Variants in FKBP8 observed in about 807,000 individuals in gnomAD.
FKBP8 encodes the protein peptidyl-prolyl cis-trans isomerase FKBP8.
Under a neutral mutation model 41.7 loss-of-function variants are expected in FKBP8, and 5 were observed. The ratio of observed to expected loss-of-function variants is 0.12; its 90% CI spans 0.06 to 0.25. FKBP8 has a LOEUF of 0.25. Ranked by LOEUF, FKBP8 falls within the 10% of genes least tolerant of loss-of-function variation. The pLI is 1.00. For synonymous variants in FKBP8, 279 were observed against 254.5 expected (o/e 1.10, Z -0.92); for missense variants, 397 against 563.0 (o/e 0.71, Z 2.98).
At chr19:18,540,424 G>A (rs1461632504) in intron 2 of FKBP8, among the ~76,000 whole-genome samples, 1 of 151,714 alleles carries the variant, frequency 6.6e-6, no homozygotes, top group Admixed American at 6.6e-5. Context: ...AACATAGTGA[G>A]ACCCCATCTC....
rs1976622174 is a variant in FKBP8 at position 18,538,175 on chromosome 19, C to T, written c.772+41G>A. ...GAAGTTTCTGGCACGGAGTGGACACCTTTGCAGGGGAGATGGTGGAGATCT... is the reference window on the plus strand; with the variant it reads ...GAAGTTTCTGGCACGGAGTGGACACTTTTGCAGGGGAGATGGTGGAGATCT... On this transcript the variant is annotated intron_variant, in intron 5 of 8. Transcript: ENST00000608443. The surrounding 1 kb of genome is among the most constrained non-coding windows in gnomAD (Gnocchi z 4.0). 6.4e-7 allele frequency: 1 copy of T among 1,564,998 alleles called. No homozygotes were observed. The highest frequency in any genetic ancestry group is 8.7e-7 in the Non-Finnish European group (1 of 1,148,476).
At position 18,537,541 on chromosome 19, in the gene FKBP8, G is replaced by C; in HGVS notation, c.945+60C>G. ...CTATGCCTTTCTCAAATGCAGGGTT[G>C]GGGACCACCCCGTATACCCCAGGCT... On this transcript the variant is annotated intron_variant, in intron 6 of 8. Transcript: ENST00000608443. The surrounding 1 kb of genome is among the most constrained non-coding windows in gnomAD (Gnocchi z 4.4). The C allele has an allele frequency of 6.8e-7, 1 of 1,476,466 alleles. No individual in the cohort carries two copies. Among genetic ancestry groups the C allele is most frequent in the East Asian group, 2.3e-5 (1 of 42,630 alleles). 91.5% of individuals were successfully genotyped at this position (1,476,466 alleles called of 1,614,324 possible).
In FKBP8 at chr19:18,541,856, C is replaced by T. The variant is rs1976710285; in HGVS notation, c.115G>A (p.Glu39Lys). Residue 39 changes from glutamate (E) to lysine (K), a missense_variant, in exon 2 of 9, where the codon GAG becomes AAG. Transcript: ENST00000608443. Reference protein sequence around the residue: ...GVEDAEGEEEEEEEEEEEDDL... With the variant: ...GVEDAEGEEEKEEEEEEEDDL... ...TCCTCTTCCTCCTCTTCCTCCTCCTCTTCCTCCTCACCCTCTGCATCCTCA... is the reference window on the plus strand; with the variant it reads ...TCCTCTTCCTCCTCTTCCTCCTCCTTTTCCTCCTCACCCTCTGCATCCTCA... The T allele has an allele frequency of 1.9e-6, 3 of 1,613,612 alleles. No individual in the cohort carries two copies. Among genetic ancestry groups the T allele is most frequent in the African/African-American group, 1.3e-5 (1 of 75,054 alleles).
In FKBP8 at chr19:18,538,125, C is replaced by G; in HGVS notation, c.772+91G>C. The G allele has an allele frequency of 1.5e-6, 2 of 1,349,626 alleles. No individual in the cohort carries two copies. The highest frequency in any genetic ancestry group is 2.1e-6 in the Non-Finnish European group (2 of 974,668). The allele number at this position is 1,349,626 out of a possible 1,614,324, so 83.6% of individuals were successfully genotyped here. ...ATATTCTGGGCTATTCTAGAATATT[C>G]TGAGTCTGAGGCTCTCTGGGGCTGG... On this transcript the variant is annotated intron_variant, in intron 5 of 8. Transcript: ENST00000608443. The surrounding 1 kb of genome is among the most constrained non-coding windows in gnomAD (Gnocchi z 4.0).
chr19:18,535,617 CA>C, intron 6 of FKBP8, among the ~76,000 whole-genome samples: 1 of 149,158 alleles, frequency 6.7e-6, no homozygotes, highest in East Asian at 2.0e-4. Flanking sequence ...ACTAAAAATA[CA>C]AAAAAAGGCT....
At position 18,538,533 on chromosome 19, in the gene FKBP8, G is replaced by T. The variant is rs1212176640; in HGVS notation, c.552-97C>A. On this transcript the variant is annotated intron_variant, in intron 4 of 8. Transcript: ENST00000608443. The surrounding 1 kb of genome is among the most constrained non-coding windows in gnomAD (Gnocchi z 4.0). Reference sequence around the variant, plus strand: ...AGGAGTGAGCTTGGCTCAAGCCCCCGATCTGTCTCCCCTCTGCCCTCCATC... The same window carrying T: ...AGGAGTGAGCTTGGCTCAAGCCCCCTATCTGTCTCCCCTCTGCCCTCCATC... 5.1e-6 allele frequency: 5 copies of T among 987,440 alleles called. No individual in the cohort carries two copies. The highest frequency in any genetic ancestry group is 7.4e-6 in the Non-Finnish European group (5 of 673,194). The allele number at this position is 987,440 out of a possible 1,614,324, so 61.2% of individuals were successfully genotyped here. A position where few individuals can be genotyped will look rare whatever the true frequency, so the allele number is the denominator to read the frequency against.
At chr19:18,542,287 G>A (rs182201637) in intron 1 of FKBP8, 5 of 328,692 alleles carry the variant, frequency 1.5e-5, no homozygotes, top group African/African-American at 1.1e-4. Context: ...TCAACATTTT[G>A]CAGAACAGGA....
At chr19:18,535,457 G>A (rs750070340) in intron 6 of FKBP8, among the ~76,000 whole-genome samples, 13 of 152,110 alleles carry the variant, frequency 8.5e-5, no homozygotes, top group Non-Finnish European at 1.8e-4. Flanking sequence ...TGCTGGTGCT[G>A]ATGGGAGATG....
At chr19:18,534,763 A>ATTTAT (rs1296394339) in intron 6 of FKBP8, among the ~76,000 whole-genome samples, 1 of 150,336 alleles carries the variant, frequency 6.7e-6, no homozygotes, top group East Asian at 1.9e-4. Flanking sequence ...TTATTTATGT[A>ATTTAT]TTTATTTATA....
At chr19:18,539,750 C>T in intron 2 of FKBP8, 30 bp from the exon 3 acceptor site, 2 of 1,600,052 alleles carry the variant, frequency 1.2e-6, no homozygotes, top group Non-Finnish European at 1.7e-6. Flanking sequence ...TGCAGCCTGT[C>T]ACCTGGCAGC....
intron 7 of FKBP8, 158 bp from the exon 8 acceptor site, chr19:18,532,953 C>T: frequency 8.2e-7 from 1 of 1,222,462 alleles, no homozygotes; most frequent in Non-Finnish European, 1.1e-6. Flanking sequence ...GGGCTGCTGA[C>T]CCCATCCCTC....
At position 18,536,965 on chromosome 19, in the gene FKBP8, G is replaced by A. The variant is rs974619557; in HGVS notation, c.945+636C>T. Among the ~76,000 whole-genome samples the A allele has an allele frequency of 2.0e-5, 3 of 152,162 alleles. No homozygotes were observed. In the East Asian group the frequency reaches 5.8e-4, roughly 29 times the overall value. On this transcript the variant is annotated intron_variant, in intron 6 of 8. Coordinates refer to ENST00000608443, the MANE Select transcript of FKBP8 (RefSeq NM_012181.5). Reference sequence around the variant, plus strand: ...GGAGGGGGAAGACCAGACAACTCAAGGCCCCAAGGGCTGTGACTAGGATTC... The same window carrying A: ...GGAGGGGGAAGACCAGACAACTCAAAGCCCCAAGGGCTGTGACTAGGATTC...
chr19:18,537,940 A>C lies in FKBP8; in HGVS notation c.773-167T>G. 1 of 767,222 alleles carries C rather than the reference A, an allele frequency of 1.3e-6. No individual in the cohort carries two copies. Among genetic ancestry groups the C allele is most frequent in the Non-Finnish European group, 2.1e-6 (1 of 487,440 alleles). 47.5% of individuals were successfully genotyped at this position (767,222 alleles called of 1,614,324 possible). ...CTCCTGAGGAAGCTACAAGATGGAG[A>C]CTTAAGCAAGCGAGGGCCTAGCCTG... is the stretch of plus-strand genomic sequence containing the variant. On this transcript the variant is annotated intron_variant, in intron 5 of 8. Transcript: ENST00000608443. This position sits in a 1 kb window ranked among gnomAD's most constrained non-coding sequence, Gnocchi z 4.4.
Position 18,538,299 on chromosome 19 carries a change from T to C in FKBP8, c.689A>G (p.Asn230Ser). 1 of 1,613,566 alleles carries C rather than the reference T, an allele frequency of 6.2e-7. No homozygotes were observed. Among genetic ancestry groups the C allele is most frequent in the South Asian group, 1.1e-5 (1 of 91,048 alleles). The change falls in exon 5 of 9, where the codon AAC becomes AGC. Residue 230 changes from asparagine to serine, a missense_variant. Physicochemically the swap from Asn to Ser is conservative, Grantham distance 46. Around this residue, in one of 2 missense-constraint regions of FKBP8, gnomAD observed 225 missense variants for 366.8 expected, o/e 0.61. Coordinates refer to ENST00000608443, the MANE Select transcript of FKBP8 (RefSeq NM_012181.5). This position sits in a 1 kb window ranked among gnomAD's most constrained non-coding sequence, Gnocchi z 4.0. ...ALANRKRECG[N>S]AHYQRADFVL... is the part of the protein sequence containing the mutation. ...GAAGTCCGCCCGCTGGTAGTGGGCGTTGCCGCACTCCCGCTTCCGGTTGGC... is the reference window on the plus strand; with the variant it reads ...GAAGTCCGCCCGCTGGTAGTGGGCGCTGCCGCACTCCCGCTTCCGGTTGGC...
Position 18,537,801 on chromosome 19 carries a change from A to G in FKBP8, c.773-28T>C, listed in dbSNP as rs373378981. The G allele has an allele frequency of 8.8e-5, 139 of 1,582,996 alleles. No homozygotes were observed. The highest frequency in any genetic ancestry group is 1.1e-4 in the Non-Finnish European group (129 of 1,159,886). ...ATTGGGAGACAGTGCCCGCCACGGC[A>G]GCCGTCACCATGCCACCAGACACCC... On this transcript the variant is annotated intron_variant, in intron 5 of 8. Transcript: ENST00000608443. The surrounding 1 kb of genome is among the most constrained non-coding windows in gnomAD (Gnocchi z 4.4).
intron 2 of FKBP8, among the ~76,000 whole-genome samples, chr19:18,540,706 T>C (rs1264645370): frequency 5.3e-5 from 8 of 152,102 alleles, no homozygotes; most frequent in African/African-American, 1.9e-4. Flanking sequence ...ACCCTGTCTC[T>C]ACTAAAAATA....
chr19:18,541,565 TG>T, intron 2 of FKBP8, 113 bp downstream of exon 2: 1 of 1,444,306 alleles, frequency 6.9e-7, no homozygotes, highest in Non-Finnish European at 9.3e-7. Context: ...CTCTGGCTGG[TG>T]ATCACGGTGG....
chr19:18,539,529 C>G, intron 3 of FKBP8, 22 bp downstream of exon 3: 2 of 1,612,204 alleles, frequency 1.2e-6, no homozygotes, highest in South Asian at 2.2e-5. Flanking sequence ...TCGCCCCTGC[C>G]CTGTCCCGCC....
intron 2 of FKBP8, among the ~76,000 whole-genome samples, chr19:18,539,942 G>C (rs1423643644): frequency 6.6e-6 from 1 of 152,202 alleles, no homozygotes; most frequent in South Asian, 2.1e-4. Flanking sequence ...CAGGGTGACA[G>C]TGCTGGTGCT....
Sources: gnomAD v4.1 joint callset for allele counts (sites outside exome capture counted in the v4.1 genomes callset) on GRCh38, gnomAD v4.1.1 for gene constraint, gnomAD v4.1.1 regional missense constraint, Gnocchi (gnomAD v3.1) non-coding constraint, MANE v1.5 for transcripts, NCBI Gene and HGNC (gene_info 2026-07-23, HGNC 2026-07-21) for gene names.